RPA3: variants seen among roughly 807,000 people sequenced by gnomAD.
RPA3 encodes replication protein A 14 kDa subunit.
Under a neutral mutation model 13.7 loss-of-function variants are expected in RPA3, and 24 were observed. The observed-to-expected ratio is 1.75, with a 90% CI of 1.27 to 2.46. The LOEUF (loss-of-function observed/expected upper bound fraction) is 2.46, where lower values mean the gene tolerates loss of function less well. Ranked by LOEUF, RPA3 falls within the 30% of genes most tolerant of loss-of-function variation. The pLI is 0.00. For synonymous variants in RPA3, 59 were observed against 51.2 expected (o/e 1.15, Z -0.65); for missense variants, 183 against 151.0 (o/e 1.21, Z -1.11).
chr7:7,680,869 A>G (rs998906998), intron 4 of RPA3, among the ~76,000 whole-genome samples: 6 of 151,616 alleles, frequency 4.0e-5, no homozygotes, highest in Admixed American at 3.3e-4. Context: ...TAAAAATGCT[A>G]TTGATTTTTG....
At chr7:7,702,169 T>C (rs1242613841) in intron 2 of RPA3, among the ~76,000 whole-genome samples, 1 of 152,198 alleles carries the variant, frequency 6.6e-6, no homozygotes, top group African/African-American at 2.4e-5. Flanking sequence ...ATGATAGTCA[T>C]AGCTTGTCTT....
At chr7:7,675,246 G>T (rs1779710752) in intron 4 of RPA3, among the ~76,000 whole-genome samples, 1 of 152,184 alleles carries the variant, frequency 6.6e-6, no homozygotes, top group South Asian at 2.1e-4. Context: ...TAAGTTGGGT[G>T]TACTGGCATC....
chr7:7,681,909 A>T (rs62432579), intron 4 of RPA3, among the ~76,000 whole-genome samples: 7,707 of 152,292 alleles, frequency 0.051, 243 homozygotes, highest in Middle Eastern at 0.12. Flanking sequence ...AACTAAGACA[A>T]AAGCATGAAT....
rs1010983141 is a variant in RPA3 at position 7,692,087 on chromosome 7, C to T, written c.-1027-4759G>A. ...TTATTAACAGCTATTCCTCTTTACC[C>T]CTGGGGTTCCATTCTGTAAATGAAA... On this transcript the variant is annotated intron_variant, in intron 2 of 7. Coordinates refer to ENST00000223129, the MANE Select transcript of RPA3 (RefSeq NM_002947.5). 3.3e-5 allele frequency among the ~76,000 whole-genome samples: 5 copies of T among 152,176 alleles called. No individual in the cohort carries two copies. The East Asian group carries it at 5.8e-4, about 18-fold the overall frequency.
intron 4 of RPA3, among the ~76,000 whole-genome samples, chr7:7,684,072 C>T (rs1017824392): frequency 2.0e-5 from 3 of 152,180 alleles, no homozygotes; most frequent in East Asian, 1.9e-4. Flanking sequence ...ATACATCCTC[C>T]CATATACTTT....
intron 2 of RPA3, among the ~76,000 whole-genome samples, chr7:7,691,884 A>G (rs1454678037): frequency 1.3e-5 from 2 of 152,220 alleles, no homozygotes; most frequent in Non-Finnish European, 2.9e-5. Flanking sequence ...TTATCTGGCT[A>G]GTAGCTCAGT....
At chr7:7,673,716 T>TAGA (rs1779671326) in intron 4 of RPA3, among the ~76,000 whole-genome samples, 1 of 152,052 alleles carries the variant, frequency 6.6e-6, no homozygotes, top group Non-Finnish European at 1.5e-5. Context: ...CCCCCCTTTT[T>TAGA]TTTTTTAACT....
intron 6 of RPA3, chr7:7,638,710 C>G (rs976690747): frequency 6.1e-6 from 1 of 164,784 alleles, no homozygotes; most frequent in Non-Finnish European, 1.3e-5. Flanking sequence ...CCCGGGGTAA[C>G]AGAGTGAGAC....
At chr7:7,668,719 G>A (rs918967117) in intron 4 of RPA3, among the ~76,000 whole-genome samples, 1 of 152,152 alleles carries the variant, frequency 6.6e-6, no homozygotes, top group African/African-American at 2.4e-5. Flanking sequence ...CTTTTCTAAT[G>A]TTAAACATTG....
chr7:7,704,988 A>G (rs1780562895), intron 2 of RPA3, among the ~76,000 whole-genome samples: 1 of 152,168 alleles, frequency 6.6e-6, no homozygotes, highest in African/African-American at 2.4e-5. Context: ...CTTTACAGAT[A>G]CAGAAGAGGA....
intron 2 of RPA3, among the ~76,000 whole-genome samples, chr7:7,713,492 A>G (rs1191512475): frequency 6.7e-6 from 1 of 148,430 alleles, no homozygotes; most frequent in Non-Finnish European, 1.5e-5. Context: ...AATATTGTTT[A>G]TTTATTGCTT....
At chr7:7,657,811 A>C (rs536540731) in intron 4 of RPA3, among the ~76,000 whole-genome samples, 1 of 152,138 alleles carries the variant, frequency 6.6e-6, no homozygotes, top group East Asian at 1.9e-4. Context: ...TTTTGGTTCT[A>C]TGTGAAATTT....
intron 4 of RPA3, among the ~76,000 whole-genome samples, chr7:7,662,792 T>C (rs2115092951): frequency 6.6e-6 from 1 of 152,340 alleles, no homozygotes; most frequent in South Asian, 2.1e-4. Flanking sequence ...TTCATGTATT[T>C]TTAAAATGGT....
At chr7:7,694,157 A>C (rs2115142191) in intron 2 of RPA3, among the ~76,000 whole-genome samples, 1 of 152,296 alleles carries the variant, frequency 6.6e-6, no homozygotes. Flanking sequence ...CCAAAGAAGG[A>C]ATGAAGCATG....
intron 4 of RPA3, among the ~76,000 whole-genome samples, chr7:7,655,987 C>T (rs1484235475): frequency 6.6e-6 from 1 of 152,154 alleles, no homozygotes; most frequent in Non-Finnish European, 1.5e-5. Flanking sequence ...AGGCATGCGC[C>T]ATCATGCCTG....
chr7:7,652,317 G>A (rs965751537), intron 4 of RPA3, among the ~76,000 whole-genome samples: 12 of 152,150 alleles, frequency 7.9e-5, no homozygotes, highest in Non-Finnish European at 1.3e-4. Context: ...CATGCAGTTC[G>A]TGGAAGTTTG....
chr7:7,660,497 A>G (rs552777758), intron 4 of RPA3, among the ~76,000 whole-genome samples: 1 of 152,160 alleles, frequency 6.6e-6, no homozygotes. Flanking sequence ...GGCAGGCCTC[A>G]TGGTGACAAA....
chr7:7,675,685 C>T (rs148853756), intron 4 of RPA3, among the ~76,000 whole-genome samples: 23 of 152,282 alleles, frequency 1.5e-4, no homozygotes, highest in African/African-American at 5.5e-4. Flanking sequence ...TTTCCCAGGA[C>T]CATCTTGGAC....
intron 2 of RPA3, among the ~76,000 whole-genome samples, chr7:7,714,066 T>C (rs536900003): frequency 6.6e-6 from 1 of 152,352 alleles, no homozygotes; most frequent in Admixed American, 6.5e-5. Flanking sequence ...TTTCCAAAAA[T>C]TGAGTTTTTT....
Sources: allele counts gnomAD v4.1 joint callset (sites outside exome capture counted in the v4.1 genomes callset), GRCh38; gene constraint gnomAD v4.1.1; transcripts MANE v1.5; gene names NCBI Gene and HGNC (gene_info 2026-07-23, HGNC 2026-07-21).